Variants in PLAC1 observed in about 807,000 individuals in gnomAD.
PLAC1 encodes the protein placenta associated 1.
For synonymous variants in PLAC1, 68 were observed against 62.1 expected (o/e 1.09, Z -0.44); for missense variants, 136 against 163.2 (o/e 0.83, Z 0.91).
intron 1 of PLAC1, 72 bp from the exon 2 acceptor site, chrX:134,602,194 T>G (rs2078092101): frequency 1.8e-5 from 2 of 112,508 alleles, no homozygotes; most frequent in Admixed American, 9.5e-5. Flanking sequence ...CAAAAACTAC[T>G]GCCTGAGTTA....
intron 1 of PLAC1, among the ~76,000 whole-genome samples, chrX:134,628,466 G>T (rs1006701563): frequency 6.3e-5 from 7 of 111,715 alleles, no homozygotes; most frequent in Non-Finnish European, 1.3e-4. Context: ...AATCTTTCCT[G>T]CCTGGCCTTG....
At chrX:134,626,923 GCTGT>G (rs1376929298) in intron 1 of PLAC1, among the ~76,000 whole-genome samples, 3 of 111,080 alleles carry the variant, frequency 2.7e-5, no homozygotes, top group Non-Finnish European at 5.7e-5. Flanking sequence ...CTCTCAATAG[GCTGT>G]CTATTAAATG....
intron 1 of PLAC1, among the ~76,000 whole-genome samples, chrX:134,613,706 G>C (rs1391018212): frequency 2.7e-5 from 3 of 110,891 alleles, no homozygotes; most frequent in Non-Finnish European, 5.7e-5. Flanking sequence ...TCCAAGCAAA[G>C]GCTCTAGAGA....
At chrX:134,678,082 A>G (rs906477567) in intron 2 of PLAC1, among the ~76,000 whole-genome samples, 2 of 111,452 alleles carry the variant, frequency 1.8e-5, no homozygotes, top group Non-Finnish European at 1.9e-5. Context: ...CTCACTGCCT[A>G]TACACTTGCC....
At chrX:134,588,366 C>T (rs2078017504) in intron 2 of PLAC1, among the ~76,000 whole-genome samples, 1 of 105,430 alleles carries the variant, frequency 9.5e-6, no homozygotes, top group African/African-American at 3.5e-5. Flanking sequence ...GCTCTGTTGC[C>T]CAGGCTGGAG....
chrX:134,762,821 C>CAAAAAAAAAAAAAAAAA (rs60721487), intron 1 of PLAC1, among the ~76,000 whole-genome samples: 17 of 14,814 alleles, frequency 1.1e-3, no homozygotes, highest in East Asian at 4.2e-3. Context: ...GGCTCTATCT[C>CAAAAAAAAAAAAAAAAA]AAAAAAAAAA....
chrX:134,616,473 A>G (rs1447128076), intron 1 of PLAC1, among the ~76,000 whole-genome samples: 1 of 109,962 alleles, frequency 9.1e-6, no homozygotes, highest in African/African-American at 3.3e-5. Flanking sequence ...CATCTCTACT[A>G]AAAATACAAA....
intron 2 of PLAC1, among the ~76,000 whole-genome samples, chrX:134,704,853 C>T (rs1304235083): frequency 2.9e-5 from 3 of 101,932 alleles, no homozygotes; most frequent in African/African-American, 7.2e-5. Flanking sequence ...ATTAGCCAGA[C>T]GTGGTGGCGT....
At chrX:134,745,619 T>C (rs1485091962) in intron 1 of PLAC1, among the ~76,000 whole-genome samples, 1 of 111,801 alleles carries the variant, frequency 8.9e-6, no homozygotes, top group Admixed American at 9.5e-5. Context: ...TCTATCTCAG[T>C]GACCTCTTTG....
chrX:134,652,631 G>C (rs921847421), intron 1 of PLAC1, among the ~76,000 whole-genome samples: 6 of 112,162 alleles, frequency 5.3e-5, no homozygotes, highest in Non-Finnish European at 1.1e-4. Flanking sequence ...TGCTGGAGCA[G>C]AGCAGTGCTG....
chrX:134,686,964 A>G (rs1356277523), intron 2 of PLAC1, among the ~76,000 whole-genome samples: 2 of 111,745 alleles, frequency 1.8e-5, no homozygotes, highest in African/African-American at 6.5e-5. Context: ...GAGACTTGCA[A>G]TCTAACAAGG....
In PLAC1 at chrX:134,566,226, ACAAGCTGAACAC is replaced by A; in HGVS notation, c.445_456del (p.Val149_Leu152del). 8.3e-7 allele frequency: 1 copy of A among 1,211,367 alleles called. No individual in the cohort carries two copies. Among genetic ancestry groups the A allele is most frequent in the East Asian group, 3.0e-5 (1 of 33,835 alleles). On this transcript the variant is annotated inframe_deletion, in exon 3 of 3. Transcript: ENST00000359237. ...CAGTTGGGCCTTTGACTGGACTGTG[ACAAGCTGAACAC>A]CTCGTAGCATTTCTCATCCTTCTGG...
At chrX:134,708,830 G>A (rs964791598) in intron 2 of PLAC1, among the ~76,000 whole-genome samples, 25 of 109,565 alleles carry the variant, frequency 2.3e-4, no homozygotes, top group Non-Finnish European at 3.8e-4. Context: ...GAGCCACTGC[G>A]TCTGGCCTTC....
chrX:134,681,443 C>T (rs908683019), intron 2 of PLAC1, among the ~76,000 whole-genome samples: 36 of 111,375 alleles, frequency 3.2e-4, no homozygotes, highest in African/African-American at 1.2e-3. Context: ...TACACAGTCA[C>T]GACATGCACA....
At chrX:134,717,905 T>C (rs369928354) in intron 2 of PLAC1, among the ~76,000 whole-genome samples, 1 of 111,787 alleles carries the variant, frequency 8.9e-6, no homozygotes, top group African/African-American at 3.3e-5. Flanking sequence ...GTGAGCAATA[T>C]TGCACTCATT....
intron 1 of PLAC1, among the ~76,000 whole-genome samples, chrX:134,615,673 C>T (rs373942060): frequency 3.6e-4 from 40 of 111,775 alleles, no homozygotes; most frequent in African/African-American, 3.6e-4. Flanking sequence ...AATGTCAAGG[C>T]GCTTTTCTGC....
intron 1 of PLAC1, among the ~76,000 whole-genome samples, chrX:134,644,807 A>G (rs1371718733): frequency 9.0e-6 from 1 of 111,672 alleles, no homozygotes; most frequent in East Asian, 2.8e-4. Context: ...TTCCTACAAA[A>G]TACTTTTCAA....
At chrX:134,596,043 T>G (rs1265740224) in intron 2 of PLAC1, among the ~76,000 whole-genome samples, 2 of 111,765 alleles carry the variant, frequency 1.8e-5, no homozygotes, top group East Asian at 5.6e-4. Flanking sequence ...AGGTATTACA[T>G]TGTATATACA....
intron 2 of PLAC1, among the ~76,000 whole-genome samples, chrX:134,686,056 C>G (rs1417314509): frequency 9.0e-6 from 1 of 111,691 alleles, no homozygotes; most frequent in Non-Finnish European, 1.9e-5. Flanking sequence ...ACCTGACACA[C>G]ACGTAAGCCA....
Sources: gnomAD v4.1 joint callset for allele counts (sites outside exome capture counted in the v4.1 genomes callset) on GRCh38, gnomAD v4.1.1 for gene constraint, MANE v1.5 for transcripts, NCBI Gene and HGNC (gene_info 2026-07-23, HGNC 2026-07-21) for gene names.